Variants in BEND2 observed in about 807,000 individuals in gnomAD.
The protein encoded by BEND2 is BEN domain-containing protein 2.
In BEND2, 19 loss-of-function variants were observed where a neutral mutation model predicts 43.8. The observed-to-expected ratio is 0.43, with a 90% CI of 0.30 to 0.64. The LOEUF (loss-of-function observed/expected upper bound fraction) is 0.64, where lower values mean the gene tolerates loss of function less well. Among genes scored for constraint, BEND2 ranks in the 30% least tolerant of loss-of-function variants. The pLI is 0.11. For missense variants in BEND2, 544 were observed against 574.0 expected (o/e 0.95, Z 0.53); for synonymous variants, 226 against 210.1 (o/e 1.08, Z -0.66).
rs1218974719 is a variant in BEND2 at position 18,180,616 on chromosome X, G to A, written c.1323C>T (p.Asp441=). The part of the protein sequence containing the change: ...LLPLNILVKV[D]TNTENSVNTM... ...TGTTGACGCTGTTTTCCGTGTTGGTGTCTACTTTTACCAAAATATTCAGAG... is the reference window on the plus strand; with the variant it reads ...TGTTGACGCTGTTTTCCGTGTTGGTATCTACTTTTACCAAAATATTCAGAG... Residue 441 remains aspartate (D), a synonymous_variant, in exon 9 of 14, where the codon GAC becomes GAT. Coordinates refer to ENST00000380033, the MANE Select transcript of BEND2 (RefSeq NM_153346.5). 2.5e-6 allele frequency: 3 copies of A among 1,208,429 alleles called. No homozygotes were observed. In the African/African-American group the frequency reaches 5.2e-5, roughly 21 times the overall value.
intron 4 of BEND2, among the ~76,000 whole-genome samples, chrX:18,211,549 G>A (rs138134273): frequency 0.029 from 3,262 of 111,990 alleles, 49 homozygotes; most frequent in Non-Finnish European, 0.038. Context: ...TTGGGAAGCC[G>A]AGGCAGGCAG....
At position 18,203,844 on chromosome X, in the gene BEND2, A is replaced by C. The variant is rs752835555; in HGVS notation, c.564T>G (p.Ser188=). The C allele has an allele frequency of 8.3e-7, 1 of 1,210,097 alleles. No homozygotes were observed. Residue 188 remains serine (S), a synonymous_variant, in exon 5 of 14, where the codon TCT becomes TCG. Coordinates refer to ENST00000380033, the MANE Select transcript of BEND2 (RefSeq NM_153346.5). ...THAWASPAVT[S]LESAACHELQ... Reference sequence around the variant, plus strand: ...GTTCATGACATGCTGCTGACTCAAGAGATGTTACAGCAGGGCTGGCCCAGG... The same window carrying C: ...GTTCATGACATGCTGCTGACTCAAGCGATGTTACAGCAGGGCTGGCCCAGG...
intron 1 of BEND2, among the ~76,000 whole-genome samples, chrX:18,217,964 G>A (rs1377409878): frequency 1.8e-5 from 2 of 108,333 alleles, no homozygotes; most frequent in Non-Finnish European, 3.8e-5. Flanking sequence ...AAATTAGCCG[G>A]GAGTGGTGGC....
intron 1 of BEND2, among the ~76,000 whole-genome samples, chrX:18,219,352 A>AACGCCAC (rs1254392348): frequency 1.5e-4 from 17 of 112,958 alleles, no homozygotes; most frequent in African/African-American, 5.5e-4. Context: ...CCACGCGGCA[A>AACGCCAC]GGGGGCCGGG....
rs1298501252 is a variant in BEND2, at chrX:18,207,142, TC to T, written c.493-3228del. Among the ~76,000 whole-genome samples the T allele has an allele frequency of 2.7e-5, 3 of 110,783 alleles. No individual in the cohort carries two copies. In the Admixed American group the frequency reaches 2.9e-4, roughly 11 times the overall value. On this transcript the variant is annotated intron_variant, in intron 4 of 13. Coordinates refer to ENST00000380033, the MANE Select transcript of BEND2 (RefSeq NM_153346.5). ...TTCCCAGCTCGCCTCTGCACCCACT[TC>T]CCCCCAAGACTGCATGTGTCCCTTG...
chrX:18,220,001 G>C (rs1034689333), intron 1 of BEND2, among the ~76,000 whole-genome samples: 1 of 111,039 alleles, frequency 9.0e-6, no homozygotes, highest in Non-Finnish European at 1.9e-5. Context: ...CTCATTCCTC[G>C]CCCCCCCATA....
At chrX:18,207,621 A>C (rs1925377653) in intron 4 of BEND2, among the ~76,000 whole-genome samples, 1 of 112,528 alleles carries the variant, frequency 8.9e-6, no homozygotes, top group African/African-American at 3.2e-5. Context: ...TTTTTACTTC[A>C]AATTTTTCAC....
intron 8 of BEND2, among the ~76,000 whole-genome samples, chrX:18,181,870 T>C: frequency 9.0e-6 from 1 of 111,364 alleles, no homozygotes; most frequent in Middle Eastern, 4.7e-3. Context: ...AGAAAAATAA[T>C]AAAATGGAAG....
chrX:18,180,915 C>G (rs1924362839), intron 8 of BEND2, among the ~76,000 whole-genome samples: 1 of 109,915 alleles, frequency 9.1e-6, no homozygotes, highest in Non-Finnish European at 1.9e-5. Flanking sequence ...GCTGGAATTA[C>G]ACGCACCCAC....
chrX:18,182,874 T>A (rs181083014), intron 8 of BEND2, among the ~76,000 whole-genome samples: 2 of 109,197 alleles, frequency 1.8e-5, no homozygotes, highest in East Asian at 5.8e-4. Context: ...AAACCCCGTC[T>A]CTACTAAAAA....
chrX:18,208,481 A>G (rs1421425317), intron 4 of BEND2, among the ~76,000 whole-genome samples: 2 of 110,997 alleles, frequency 1.8e-5, no homozygotes, highest in Non-Finnish European at 3.8e-5. Flanking sequence ...GCGAGATTCC[A>G]TCTCAAATAT....
At chrX:18,190,550 A>G (rs776033054) in intron 8 of BEND2, among the ~76,000 whole-genome samples, 1 of 111,678 alleles carries the variant, frequency 9.0e-6, no homozygotes, top group East Asian at 2.8e-4. Flanking sequence ...ATAAAAAGGG[A>G]GAACATACTA....
At chrX:18,182,858 A>C (rs987679421) in intron 8 of BEND2, among the ~76,000 whole-genome samples, 1 of 109,968 alleles carries the variant, frequency 9.1e-6, no homozygotes, top group South Asian at 4.0e-4. Flanking sequence ...CCTGGCCAAC[A>C]TGGTGAAACC....
rs868514662 is a variant in BEND2 at position 18,220,870 on chromosome X, G to C, written c.-120C>G. On this transcript the variant is annotated 5_prime_UTR_variant, in exon 1 of 14. Transcript: ENST00000380033. ...AACTGTGTGGTAACTGCGTACACTCGTTGTCCGAGGCACAATGAGGCCCGG... is the reference window on the plus strand; with the variant it reads ...AACTGTGTGGTAACTGCGTACACTCCTTGTCCGAGGCACAATGAGGCCCGG... The C allele has an allele frequency of 4.5e-4, 366 of 822,362 alleles. 3 individuals carry two copies. In the Middle Eastern group the frequency reaches 0.012, roughly 26 times the overall value. 67.8% of individuals were successfully genotyped at this position (822,362 alleles called of 1,213,427 possible).
intron 13 of BEND2, among the ~76,000 whole-genome samples, chrX:18,167,862 G>A (rs755206220): frequency 5.3e-5 from 6 of 112,379 alleles, no homozygotes; most frequent in Non-Finnish European, 7.5e-5. Context: ...CACTGTGCCC[G>A]ACCTGACCGT....
At chrX:18,217,043 C>G (rs1048826017) in intron 1 of BEND2, among the ~76,000 whole-genome samples, 1 of 112,551 alleles carries the variant, frequency 8.9e-6, no homozygotes, top group African/African-American at 3.2e-5. Flanking sequence ...CCACAGTGTT[C>G]AATGATATGC....
At chrX:18,167,730 A>C (rs976084075) in intron 13 of BEND2, among the ~76,000 whole-genome samples, 2 of 110,371 alleles carry the variant, frequency 1.8e-5, no homozygotes, top group Non-Finnish European at 3.8e-5. Flanking sequence ...ATGCCCAGCT[A>C]ATTTTTGTAT....
At chrX:18,202,036 G>C in intron 5 of BEND2, 96 bp from the exon 6 acceptor site, 1 of 890,697 alleles carries the variant, frequency 1.1e-6, no homozygotes, top group Non-Finnish European at 1.6e-6. Flanking sequence ...AAGAGAAACA[G>C]ACATTCACAC....
chrX:18,176,936 C>A (rs1328012936), intron 10 of BEND2, among the ~76,000 whole-genome samples: 1 of 110,598 alleles, frequency 9.0e-6, no homozygotes, highest in African/African-American at 3.3e-5. Flanking sequence ...CTGTCCTTAG[C>A]TAAGCCTTCC....
Sources: allele counts gnomAD v4.1 joint callset (sites outside exome capture counted in the v4.1 genomes callset), GRCh38; gene constraint gnomAD v4.1.1; transcripts MANE v1.5; gene names NCBI Gene and HGNC (gene_info 2026-07-23, HGNC 2026-07-21).